The following CLMN variants were observed in gnomAD, a reference collection of about 807,000 sequenced individuals.
The protein encoded by CLMN is calmin.
Under a neutral mutation model 92.7 loss-of-function variants are expected in CLMN, and 57 were observed. That is an observed-to-expected ratio of 0.61 (90% confidence interval 0.50 to 0.77). The LOEUF (loss-of-function observed/expected upper bound fraction) is 0.77. Ranked by LOEUF, CLMN falls within the 30% of genes least tolerant of loss-of-function variation. The pLI is 0.00. For missense variants in CLMN, 1,158 were observed against 1,237.5 expected, an observed-to-expected ratio of 0.94 and a Z score of 0.96; for synonymous variants, 466 against 470.6, an observed-to-expected ratio of 0.99 and a Z score of 0.13.
At chr14:95,249,588 C>T (rs28440802) in intron 1 of CLMN, among the ~76,000 whole-genome samples, 22,859 of 151,756 alleles carry the variant, frequency 0.15, 2,935 homozygotes, top group African/African-American at 0.34. Flanking sequence ...AATTTCTTTC[C>T]TTTTCTTTTT....
At position 95,264,016 on chromosome 14, in the gene CLMN, A is replaced by C. The variant is rs1342936251; in HGVS notation, c.83-33883T>G. The stretch of plus-strand genomic sequence containing the variant: ...TACTTTGCACCTTATTACTTTATTT[A>C]TTTATTTATTTATTTATTTATTTAT... On this transcript the variant is annotated intron_variant, in intron 1 of 12. Transcript: ENST00000298912. Among the ~76,000 whole-genome samples the C allele has an allele frequency of 3.5e-4, 24 of 68,064 alleles. No homozygotes were observed. The South Asian group carries it at 4.6e-3, about 13-fold the overall frequency. The allele number at this position is 68,064 out of a possible 152,430, so 44.7% of individuals were successfully genotyped here.
At chr14:95,246,194 T>C (rs1467702344) in intron 1 of CLMN, among the ~76,000 whole-genome samples, 6 of 152,134 alleles carry the variant, frequency 3.9e-5, no homozygotes. Flanking sequence ...CCTTCCTCTA[T>C]CAGGCTATTA....
chr14:95,270,570 T>C (rs187423866), intron 1 of CLMN, among the ~76,000 whole-genome samples: 2 of 152,344 alleles, frequency 1.3e-5, no homozygotes, highest in African/African-American at 4.8e-5. Context: ...TTTAGCATAA[T>C]GTTTTCAAGG....
intron 1 of CLMN, among the ~76,000 whole-genome samples, chr14:95,232,697 T>G (rs1053911252): frequency 1.3e-5 from 2 of 152,194 alleles, no homozygotes; most frequent in East Asian, 3.8e-4. Context: ...GGAGGAGACA[T>G]GTGCTGAGAC....
chr14:95,316,528 C>A (rs1051365492), intron 1 of CLMN, among the ~76,000 whole-genome samples: 23 of 152,378 alleles, frequency 1.5e-4, no homozygotes, highest in African/African-American at 5.5e-4. Context: ...CCTCCAAAGA[C>A]AGGTCGAGAA....
chr14:95,314,184 T>C (rs1901662251), intron 1 of CLMN, among the ~76,000 whole-genome samples: 1 of 152,354 alleles, frequency 6.6e-6, no homozygotes, highest in Non-Finnish European at 1.5e-5. Context: ...CCAGAGCCCC[T>C]TGTTTGCCCT....
At chr14:95,252,792 T>G (rs887391515) in intron 1 of CLMN, among the ~76,000 whole-genome samples, 2 of 152,154 alleles carry the variant, frequency 1.3e-5, no homozygotes, top group African/African-American at 4.8e-5. Context: ...TCTCCCCAGT[T>G]GGCAATATTC....
chr14:95,188,380 G>C lies in CLMN; in HGVS notation c.*3184C>G, dbSNP rs995820257. 6.6e-6 allele frequency: 1 copy of C among 151,902 alleles called. No homozygotes were observed. The highest frequency in any genetic ancestry group is 2.4e-5 in the African/African-American group (1 of 41,326). 9.4% of individuals were successfully genotyped at this position (151,902 alleles called of 1,614,324 possible). The stretch of plus-strand genomic sequence containing the variant: ...ATCTGCATCCACGCATCAAGAGCAG[G>C]ACACTGTAAAACAAAGACAGGATAA... On this transcript the variant is annotated 3_prime_UTR_variant, in exon 13 of 13. Coordinates refer to ENST00000298912, the MANE Select transcript of CLMN (RefSeq NM_024734.4).
chr14:95,208,826 C>A (rs2140586584), intron 8 of CLMN, among the ~76,000 whole-genome samples: 1 of 152,334 alleles, frequency 6.6e-6, no homozygotes, highest in Middle Eastern at 3.4e-3. Flanking sequence ...GGGATGAAAT[C>A]TCTCACCATC....
At chr14:95,205,493 G>A (rs941573758) in intron 8 of CLMN, among the ~76,000 whole-genome samples, 5 of 152,070 alleles carry the variant, frequency 3.3e-5, no homozygotes, top group African/African-American at 7.2e-5. Context: ...GCCTAAAGGA[G>A]GGAATGAACA....
intron 1 of CLMN, among the ~76,000 whole-genome samples, chr14:95,266,823 G>T (rs1270653567): frequency 1.3e-5 from 2 of 152,082 alleles, no homozygotes; most frequent in Non-Finnish European, 2.9e-5. Flanking sequence ...AAACAGCATG[G>T]TAACTGGCAT....
intron 5 of CLMN, among the ~76,000 whole-genome samples, chr14:95,214,709 C>T (rs1280125988): frequency 1.3e-5 from 2 of 151,926 alleles, no homozygotes; most frequent in African/African-American, 4.8e-5. Flanking sequence ...ATTTCACAGA[C>T]ATGGAAACTG....
chr14:95,196,590 G>C lies in CLMN; in HGVS notation c.2616C>G (p.Asp872Glu), dbSNP rs368084234. ...CTACAAATAGTGAACTTTCTACGTG[G>C]TCCACATGTTTCCTTTTTTCCTTTT... is the stretch of plus-strand genomic sequence containing the variant. The part of the protein sequence containing the change: ...SKKKEKRKHV[D>E]HVESSLFVAP... The change falls in exon 10 of 13, where the codon GAC (aspartate) becomes GAG (glutamate). Residue 872 changes from aspartate (D) to glutamate (E), a missense_variant. Physicochemically the swap from Asp to Glu is conservative, Grantham distance 45. Transcript: ENST00000298912. 6.2e-7 allele frequency: 1 copy of C among 1,614,156 alleles called. No homozygotes were observed.
intron 1 of CLMN, among the ~76,000 whole-genome samples, chr14:95,258,579 G>A (rs1899111600): frequency 6.7e-6 from 1 of 148,424 alleles, no homozygotes; most frequent in African/African-American, 2.5e-5. Context: ...AAGGGTATGT[G>A]TATGTGGTGT....
At chr14:95,319,486 C>G (rs1403118659) in intron 1 of CLMN, among the ~76,000 whole-genome samples, 1 of 152,196 alleles carries the variant, frequency 6.6e-6, no homozygotes, top group Non-Finnish European at 1.5e-5. Context: ...ACAACACACA[C>G]ACGTGTGGCG....
intron 4 of CLMN, among the ~76,000 whole-genome samples, chr14:95,216,392 T>C (rs1002939694): frequency 1.3e-5 from 2 of 152,212 alleles, no homozygotes; most frequent in Non-Finnish European, 2.9e-5. Flanking sequence ...ACCATATCAG[T>C]AGGTACTTCT....
intron 1 of CLMN, among the ~76,000 whole-genome samples, chr14:95,245,228 T>C (rs1566891158): frequency 1.1e-3 from 38 of 33,808 alleles, no homozygotes; most frequent in African/African-American, 4.0e-3. Flanking sequence ...ATATATATTA[T>C]ATATATATAT....
At chr14:95,201,184 TA>T (rs943412470) in intron 9 of CLMN, among the ~76,000 whole-genome samples, 161 of 151,374 alleles carry the variant, frequency 1.1e-3, no homozygotes, top group African/African-American at 3.4e-3. Context: ...TATATATATA[TA>T]TATTTTTTGT....
At chr14:95,206,056 T>C (rs563356126) in intron 8 of CLMN, among the ~76,000 whole-genome samples, 1 of 152,292 alleles carries the variant, frequency 6.6e-6, no homozygotes, top group African/African-American at 2.4e-5. Context: ...AGACATACTT[T>C]AAATATAAGT....
Sources: gnomAD v4.1 joint callset for allele counts (sites outside exome capture counted in the v4.1 genomes callset) on GRCh38, gnomAD v4.1.1 for gene constraint, MANE v1.5 for transcripts, NCBI Gene and HGNC (gene_info 2026-07-23, HGNC 2026-07-21) for gene names.